KDM4C: variants seen among roughly 807,000 people sequenced by gnomAD.
KDM4C encodes lysine demethylase 4C.
In KDM4C, 81 loss-of-function variants were observed where a neutral mutation model predicts 129.3. The ratio of observed to expected loss-of-function variants is 0.63; its 90% CI spans 0.52 to 0.75. The LOEUF (loss-of-function observed/expected upper bound fraction) is 0.75, where lower values mean the gene tolerates loss of function less well. Among genes scored for constraint, KDM4C ranks in the 30% least tolerant of loss-of-function variants. The probability of loss-of-function intolerance (pLI) is 0.00; values close to 1 mark genes in which losing one functional copy is unlikely to be tolerated. For missense variants in KDM4C, 1,457 were observed against 1,304.0 expected, an observed-to-expected ratio of 1.12 and a Z score of -1.81; for synonymous variants, 573 against 456.1, an observed-to-expected ratio of 1.26 and a Z score of -3.26.
chr9:7,097,663 C>T (rs1200746801), intron 17 of KDM4C, among the ~76,000 whole-genome samples: 1 of 152,178 alleles, frequency 6.6e-6, no homozygotes, highest in Non-Finnish European at 1.5e-5. Flanking sequence ...GGCTCACATG[C>T]TGCCTCGCCT....
chr9:7,008,922 T>C (rs867269858), intron 12 of KDM4C, among the ~76,000 whole-genome samples: 11 of 152,004 alleles, frequency 7.2e-5, no homozygotes, highest in African/African-American at 2.2e-4. Context: ...TCTACAAAGG[T>C]TGGAATAAGT....
intron 8 of KDM4C, among the ~76,000 whole-genome samples, chr9:6,930,547 A>AAC (rs1563832693): frequency 1.0e-5 from 1 of 96,376 alleles, no homozygotes; most frequent in African/African-American, 3.6e-5. Flanking sequence ...TGTTATATAT[A>AAC]ACAACAGTAT....
At chr9:6,929,061 A>G (rs1241134826) in intron 8 of KDM4C, among the ~76,000 whole-genome samples, 3 of 152,128 alleles carry the variant, frequency 2.0e-5, no homozygotes, top group Admixed American at 6.5e-5. Context: ...CTTTATCCAA[A>G]CACTACACTT....
intron 18 of KDM4C, chr9:7,127,832 C>A (rs914275885): frequency 7.8e-6 from 3 of 382,614 alleles, no homozygotes; most frequent in Admixed American, 4.3e-5. Context: ...CACACAAAAC[C>A]AATGGATGAA....
At chr9:6,760,691 C>G (rs1016721776) in intron 1 of KDM4C, among the ~76,000 whole-genome samples, 11 of 152,076 alleles carry the variant, frequency 7.2e-5, no homozygotes, top group Middle Eastern at 6.8e-3. Flanking sequence ...CTGCCTCAGC[C>G]TCCTGAATAG....
At chr9:7,098,064 GGT>G (rs1836657775) in intron 17 of KDM4C, among the ~76,000 whole-genome samples, 1 of 152,176 alleles carries the variant, frequency 6.6e-6, no homozygotes, top group Non-Finnish European at 1.5e-5. Context: ...CTGTGCTGTT[GGT>G]GTAGTACTTT....
chr9:6,987,171 C>G (rs1817871097), intron 11 of KDM4C, among the ~76,000 whole-genome samples: 1 of 152,172 alleles, frequency 6.6e-6, no homozygotes, highest in South Asian at 2.1e-4. Context: ...AGCCTTCCCA[C>G]AGCTTCTATT....
intron 17 of KDM4C, among the ~76,000 whole-genome samples, chr9:7,073,931 G>A (rs1021216444): frequency 2.0e-5 from 3 of 152,050 alleles, no homozygotes; most frequent in Admixed American, 1.3e-4. Context: ...CAGGTGTCTC[G>A]GAAACCTAAC....
At chr9:6,787,715 C>G (rs893925342) in intron 1 of KDM4C, among the ~76,000 whole-genome samples, 1 of 152,216 alleles carries the variant, frequency 6.6e-6, no homozygotes, top group Non-Finnish European at 1.5e-5. Flanking sequence ...TTGTCGACCT[C>G]CCTGCTTCCA....
At chr9:7,119,577 C>T (rs1839278680) in intron 18 of KDM4C, among the ~76,000 whole-genome samples, 1 of 150,336 alleles carries the variant, frequency 6.7e-6, no homozygotes, top group Admixed American at 6.6e-5. Context: ...GTATTTAATG[C>T]ATTATTTTAA....
intron 17 of KDM4C, among the ~76,000 whole-genome samples, chr9:7,085,603 G>T (rs1835019629): frequency 6.6e-6 from 1 of 152,136 alleles, no homozygotes; most frequent in Admixed American, 6.5e-5. Flanking sequence ...TGAGAGGAAG[G>T]CTGGTGTTTA....
chr9:7,014,915 AACACACACACACAC>A (rs55864882), intron 14 of KDM4C, among the ~76,000 whole-genome samples: 9 of 146,164 alleles, frequency 6.2e-5, no homozygotes, highest in African/African-American at 1.0e-4. Flanking sequence ...GGCAATTTGT[AACACACACACACAC>A]ACACACACAC....
intron 15 of KDM4C, among the ~76,000 whole-genome samples, chr9:7,033,184 C>G (rs1189240577): frequency 6.7e-6 from 1 of 149,630 alleles, no homozygotes; most frequent in Non-Finnish European, 1.5e-5. Context: ...ACTGTCAAGA[C>G]CAGGTGATGA....
At chr9:6,807,124 G>A (rs1830140986) in intron 3 of KDM4C, among the ~76,000 whole-genome samples, 1 of 152,036 alleles carries the variant, frequency 6.6e-6, no homozygotes, top group Non-Finnish European at 1.5e-5. Flanking sequence ...CCCTAACCGC[G>A]AGTGATCCGC....
intron 8 of KDM4C, among the ~76,000 whole-genome samples, chr9:6,914,120 C>T (rs1197007569): frequency 6.6e-6 from 1 of 152,162 alleles, no homozygotes; most frequent in African/African-American, 2.4e-5. Context: ...AGTGCAATGG[C>T]GTAATCTCGG....
intron 12 of KDM4C, among the ~76,000 whole-genome samples, chr9:7,002,153 A>G (rs933970195): frequency 1.3e-5 from 2 of 152,164 alleles, no homozygotes; most frequent in Non-Finnish European, 2.9e-5. Flanking sequence ...TTGGCCTCCC[A>G]AAATGCTGGG....
chr9:6,807,696 G>A (rs1342083203), intron 3 of KDM4C, among the ~76,000 whole-genome samples: 3 of 145,320 alleles, frequency 2.1e-5, no homozygotes, highest in South Asian at 2.2e-4. Context: ...CAGCTGCCCC[G>A]TCTGAGAAGT....
rs1835534342 is a variant in KDM4C, at chr9:6,834,676, C to T, written c.436-14831C>T. The T allele has an allele frequency of 7.3e-6, 6 of 819,162 alleles. No individual in the cohort carries two copies. The South Asian group carries it at 8.0e-5, about 11-fold the overall frequency. 50.7% of individuals were successfully genotyped at this position (819,162 alleles called of 1,614,324 possible). ...CCCTGAAGTGCCTCATCGAGCATGG[C>T]ATCATTACCAACTGGGACAACATGG... On this transcript the variant is annotated intron_variant, in intron 4 of 21. Coordinates refer to ENST00000381309, the MANE Select transcript of KDM4C (RefSeq NM_015061.6).
chr9:6,855,883 C>G (rs116482342), intron 5 of KDM4C, among the ~76,000 whole-genome samples: 93 of 152,156 alleles, frequency 6.1e-4, no homozygotes, highest in African/African-American at 2.2e-3. Context: ...TTCATTCATT[C>G]GTTCATTCAT....
Sources: allele counts gnomAD v4.1 joint callset (sites outside exome capture counted in the v4.1 genomes callset), GRCh38; gene constraint gnomAD v4.1.1; transcripts MANE v1.5; gene names NCBI Gene and HGNC (gene_info 2026-07-23, HGNC 2026-07-21).